The following PABIR3 variants were observed in gnomAD, a reference collection of about 807,000 sequenced individuals.
PABIR3 encodes PABIR family member 3, also known as PABIR family member 1.
In PABIR3, 20 loss-of-function variants were observed where a neutral mutation model predicts 23.1. The ratio of observed to expected loss-of-function variants is 0.86; its 90% CI spans 0.61 to 1.26. The LOEUF (loss-of-function observed/expected upper bound fraction) is 1.26, where lower values mean the gene tolerates loss of function less well. Among genes scored for constraint, PABIR3 ranks in the 50% most tolerant of loss-of-function variants. The probability of loss-of-function intolerance (pLI) is 0.00; values close to 1 mark genes in which losing one functional copy is unlikely to be tolerated. For synonymous variants in PABIR3, 69 were observed against 68.5 expected (o/e 1.01, Z -0.04); for missense variants, 189 against 195.4 (o/e 0.97, Z 0.20).
upstream of PABIR3, among the ~76,000 whole-genome samples, chrX:134,803,816 A>AG (rs1166803883): frequency 8.9e-6 from 1 of 111,923 alleles, no homozygotes; most frequent in Non-Finnish European, 1.9e-5. Flanking sequence ...CACTGACCTC[A>AG]GGAGCTTAAC....
chrX:134,822,539 A>T, intron 3 of PABIR3: 1 of 754,045 alleles, frequency 1.3e-6, no homozygotes, highest in Non-Finnish European at 1.6e-6. Flanking sequence ...CTATCTTCTC[A>T]TGATTTCCTG....
chrX:134,855,643 G>A (rs1185790028), downstream of PABIR3, among the ~76,000 whole-genome samples: 1 of 110,626 alleles, frequency 9.0e-6, no homozygotes, highest in Non-Finnish European at 1.9e-5. Flanking sequence ...ATCTGATGTG[G>A]GTATGCTGCC....
At chrX:134,837,112 G>A (rs754472683) in intron 4 of PABIR3, among the ~76,000 whole-genome samples, 6 of 110,838 alleles carry the variant, frequency 5.4e-5, no homozygotes, top group African/African-American at 9.8e-5. Context: ...TTGGAAGGCC[G>A]AGGCGGGTGG....
At chrX:134,822,209 A>G (rs1294093660) in intron 3 of PABIR3, 1 of 748,335 alleles carries the variant, frequency 1.3e-6, no homozygotes, top group East Asian at 1.5e-4. Flanking sequence ...TACACAAAAG[A>G]TACCAGTGAT....
intron 1 of PABIR3, among the ~76,000 whole-genome samples, chrX:134,801,337 T>G (rs1048064972): frequency 8.9e-6 from 1 of 112,325 alleles, no homozygotes; most frequent in Admixed American, 9.4e-5. Flanking sequence ...ATCTCCATGA[T>G]AGGCAGCATT....
At chrX:134,846,697 A>C (rs2148346317) in intron 6 of PABIR3, among the ~76,000 whole-genome samples, 1 of 112,189 alleles carries the variant, frequency 8.9e-6, no homozygotes, top group South Asian at 3.7e-4. Context: ...TAGGTCCAGG[A>C]GAATGAGTAG....
At chrX:134,835,424 A>G (rs2081944213) in intron 4 of PABIR3, 1 of 110,811 alleles carries the variant, frequency 9.0e-6, no homozygotes, top group Non-Finnish European at 1.9e-5. Context: ...TTTAATTTTA[A>G]ATGAACACAC....
At chrX:134,863,937 G>A in the PABIR3 span, among the ~76,000 whole-genome samples, 2 of 112,266 alleles carry the variant, frequency 1.8e-5, no homozygotes, top group South Asian at 7.5e-4. Context: ...TTAATTGTAG[G>A]TACTGCATCT....
At chrX:134,836,939 C>T (rs1037580052) in intron 4 of PABIR3, among the ~76,000 whole-genome samples, 4 of 111,421 alleles carry the variant, frequency 3.6e-5, no homozygotes, top group African/African-American at 9.8e-5. Flanking sequence ...CGTGGTGGTT[C>T]GTGCCTGTAA....
Position 134,854,281 on chromosome X carries a change from C to T in PABIR3, c.*64C>T, listed in dbSNP as rs778121840. 65 of 1,119,167 alleles carry T rather than the reference C, an allele frequency of 5.8e-5. No individual in the cohort carries two copies. The highest frequency in any genetic ancestry group is 6.9e-5 in the Non-Finnish European group (58 of 838,271). 92.2% of individuals were successfully genotyped at this position (1,119,167 alleles called of 1,213,427 possible). Reference sequence around the variant, plus strand: ...ACTTTCTCACCAGTGGAGAAACACACACATCAAGCAAACCAAGTCAGAGCA... The same window carrying T: ...ACTTTCTCACCAGTGGAGAAACACATACATCAAGCAAACCAAGTCAGAGCA... On this transcript the variant is annotated 3_prime_UTR_variant, in exon 11 of 11. Transcript: ENST00000645433.
At chrX:134,818,934 CTTTTTTTT>C (rs1216993828) in intron 3 of PABIR3, among the ~76,000 whole-genome samples, 25 of 77,066 alleles carry the variant, frequency 3.2e-4, no homozygotes, top group Non-Finnish European at 5.0e-4. Flanking sequence ...TTTTTTCTTT[CTTTTTTTT>C]TTTTTTTTTT....
At chrX:134,807,495 T>C (rs770018899) in intron 1 of PABIR3, 45 bp from the exon 2 acceptor site, 3 of 1,160,014 alleles carry the variant, frequency 2.6e-6, no homozygotes, top group Non-Finnish European at 3.5e-6. Context: ...TCTCTTCTCT[T>C]TTTCCCCTTT....
Position 134,841,182 on chromosome X carries a change from C to T in PABIR3, c.247-4023C>T, listed in dbSNP as rs187355918. On this transcript the variant is annotated intron_variant, in intron 4 of 10. Transcript: ENST00000645433. ...GTCTTGTTGTTACCCAGGCTGATCT[C>T]GAACTCGTGAGCTCAAGGATTCCTC... Among the ~76,000 whole-genome samples the T allele has an allele frequency of 3.3e-3, 359 of 109,618 alleles. 1 individual carries two copies. The highest frequency in any genetic ancestry group is 0.014 in the Middle Eastern group (3 of 215).
At chrX:134,819,810 G>A (rs1041869909) in intron 3 of PABIR3, among the ~76,000 whole-genome samples, 3 of 111,114 alleles carry the variant, frequency 2.7e-5, no homozygotes, top group African/African-American at 9.8e-5. Flanking sequence ...GCTTGAACCC[G>A]GGAAGTGAAG....
At chrX:134,801,919 T>C (rs1402231737) in intron 1 of PABIR3, among the ~76,000 whole-genome samples, 2 of 107,413 alleles carry the variant, frequency 1.9e-5, no homozygotes, top group Non-Finnish European at 3.8e-5. Flanking sequence ...CATAGGTGAG[T>C]CTGACGGAAT....
At chrX:134,863,209 A>G in the PABIR3 span, among the ~76,000 whole-genome samples, 1 of 111,925 alleles carries the variant, frequency 8.9e-6, no homozygotes, top group South Asian at 3.8e-4. Flanking sequence ...TGTACTCTGA[A>G]TCCTATCCTA....
At chrX:134,821,554 A>G (rs1208651439) in intron 3 of PABIR3, 1 of 1,150,035 alleles carries the variant, frequency 8.7e-7, no homozygotes, top group Non-Finnish European at 1.2e-6. Context: ...AGCAGGGGAA[A>G]TGTCTCATCT....
chrX:134,810,360 C>T, intron 2 of PABIR3: 6 of 753,860 alleles, frequency 8.0e-6, no homozygotes, highest in Non-Finnish European at 9.4e-6. Context: ...GCTTAAGATC[C>T]TGATGCATGA....
rs996129855 is a variant in PABIR3 at position 134,810,423 on chromosome X, G to C, written c.110+2715G>C. On this transcript the variant is annotated intron_variant, in intron 2 of 10. Coordinates refer to ENST00000645433, the MANE Select transcript of PABIR3 (RefSeq NM_001388447.1). ...TCACTAGCATATTTCTGTAGTAGGA[G>C]TTTAAAGATACAGAAACCACAAAGT... 4.0e-6 allele frequency: 3 copies of C among 753,000 alleles called. No homozygotes were observed. In the African/African-American group the frequency reaches 6.9e-5, roughly 17 times the overall value. The allele number at this position is 753,000 out of a possible 1,213,427, so 62.1% of individuals were successfully genotyped here. A position where few individuals can be genotyped will look rare whatever the true frequency, so the allele number is the denominator to read the frequency against.
Sources: gnomAD v4.1 joint callset for allele counts (sites outside exome capture counted in the v4.1 genomes callset) on GRCh38, gnomAD v4.1.1 for gene constraint, MANE v1.5 for transcripts, NCBI Gene and HGNC (gene_info 2026-07-23, HGNC 2026-07-21) for gene names.